Variants in ATP1A3 observed in about 807,000 individuals in gnomAD.
ATP1A3 encodes sodium/potassium-transporting ATPase subunit alpha-3.
ATP1A3 carries 12 observed loss-of-function variants against 108.8 expected under a neutral mutation model. The ratio of observed to expected loss-of-function variants is 0.11; its 90% CI spans 0.07 to 0.18. ATP1A3 has a LOEUF of 0.18. ATP1A3 is among the 10% of genes least tolerant of loss of function. The pLI is 1.00. For missense variants in ATP1A3, 498 were observed against 1,387.7 expected (o/e 0.36, Z 10.19); for synonymous variants, 539 against 564.5 (o/e 0.95, Z 0.64).
At position 41,988,225 on chromosome 19, in the gene ATP1A3, C is replaced by T; in HGVS notation, c.154-86G>A. The T allele has an allele frequency of 1.2e-6, 2 of 1,612,026 alleles. No individual in the cohort carries two copies. The highest frequency in any genetic ancestry group is 1.7e-6 in the Non-Finnish European group (2 of 1,178,198). ...ACCAGACCCCCAGAACTTAAGACAC[C>T]AGCCACAGCCCCTCCTCCCTCAGAC... On this transcript the variant is annotated intron_variant, in intron 3 of 22. Coordinates refer to ENST00000648268, the MANE Select transcript of ATP1A3 (RefSeq NM_152296.5). This position sits in a 1 kb window ranked among gnomAD's most constrained non-coding sequence, Gnocchi z 5.3.
chr19:41,991,654 G>A (rs1468524538), intron 1 of ATP1A3, among the ~76,000 whole-genome samples: 6 of 152,196 alleles, frequency 3.9e-5, no homozygotes, highest in Admixed American at 3.9e-4. Context: ...AACCTTAGTT[G>A]AAGGCTGGGA....
chr19:41,985,547 G>C lies in ATP1A3; in HGVS notation c.607-124C>G. ...TCACAGCTAGAAGCCTGGGTGCCCA[G>C]TGGGTGAGTGGTGTGTGGGAGGCCA... is the stretch of plus-strand genomic sequence containing the variant. On this transcript the variant is annotated intron_variant, in intron 6 of 22. Coordinates refer to ENST00000648268, the MANE Select transcript of ATP1A3 (RefSeq NM_152296.5). This position sits in a 1 kb window ranked among gnomAD's most constrained non-coding sequence, Gnocchi z 8.2. 1 of 1,009,904 alleles carries C rather than the reference G, an allele frequency of 9.9e-7. No individual in the cohort carries two copies. The highest frequency in any genetic ancestry group is 1.5e-6 in the Non-Finnish European group (1 of 651,498). The allele number at this position is 1,009,904 out of a possible 1,614,324, so 62.6% of individuals were successfully genotyped here. A position where few individuals can be genotyped will look rare whatever the true frequency, so the allele number is the denominator to read the frequency against.
Position 41,967,294 on chromosome 19 carries a change from C to A in ATP1A3, c.2968G>T (p.Val990Phe). 1 of 1,613,290 alleles carries A rather than the reference C, an allele frequency of 6.2e-7. No homozygotes were observed. The highest frequency in any genetic ancestry group is 1.1e-5 in the South Asian group (1 of 91,086). Residue 990 changes from valine to phenylalanine, a missense_variant, in exon 22 of 23, where the codon GTC (valine) becomes TTC (phenylalanine). Around this residue, in one of 9 missense-constraint regions of ATP1A3, gnomAD observed 29 missense variants for 41.0 expected, o/e 0.71. Coordinates refer to ENST00000648268, the MANE Select transcript of ATP1A3 (RefSeq NM_152296.5). This position sits in a 1 kb window ranked among gnomAD's most constrained non-coding sequence, Gnocchi z 4.2. ...ATGAGTTTGCGGATTTCGTCGTAGA[C>A]GAAGATGAGGAAACTGTAGGGGAAG... ...CAFPYSFLIF[V>F]YDEIRKLILR...
At chr19:41,976,355 G>A (rs900293212) in intron 15 of ATP1A3, 61 bp downstream of exon 15, 33 of 1,595,968 alleles carry the variant, frequency 2.1e-5, no homozygotes, top group African/African-American at 9.4e-5. Flanking sequence ...ACCAGGCCCC[G>A]GCCTCAGTGA....
Position 41,981,976 on chromosome 19 carries a change from C to T in ATP1A3, c.1124G>A (p.Arg375His), listed in dbSNP as rs200891944. Reference sequence around the variant, plus strand: ...AAACCACATGTGGGCGACTGTCATGCGGTTCTGAGTGAGGGTCCCTGTCTT... The same window carrying T: ...AAACCACATGTGGGCGACTGTCATGTGGTTCTGAGTGAGGGTCCCTGTCTT... The part of the protein sequence containing the change: ...SDKTGTLTQN[R>H]MTVAHMWFDN... The change falls in exon 9 of 23, where the codon CGC (arginine) becomes CAC (histidine). Residue 375 changes from arginine to histidine, a missense_variant. This residue lies in a region of ATP1A3 where 127 missense variants were observed against 464.0 expected (regional missense o/e 0.27). Transcript: ENST00000648268. This position sits in a 1 kb window ranked among gnomAD's most constrained non-coding sequence, Gnocchi z 5.0. 6.2e-7 allele frequency: 1 copy of T among 1,614,172 alleles called. No homozygotes were observed. The highest frequency in any genetic ancestry group is 8.5e-7 in the Non-Finnish European group (1 of 1,180,034).
intron 4 of ATP1A3, among the ~76,000 whole-genome samples, chr19:41,987,109 T>G (rs1294926036): frequency 1.3e-5 from 2 of 152,182 alleles, no homozygotes; most frequent in Non-Finnish European, 2.9e-5. Context: ...CGGCTGTCTG[T>G]CCATGTGTCT....
intron 1 of ATP1A3, chr19:41,992,965 C>A: frequency 5.3e-6 from 1 of 189,648 alleles, no homozygotes; most frequent in Non-Finnish European, 1.1e-5. Flanking sequence ...TCCCTTCTCT[C>A]CCCTAGTCCT....
At position 41,980,473 on chromosome 19, in the gene ATP1A3, G is replaced by A. The variant is rs1451676656; in HGVS notation, c.1437+1029C>T. 5.3e-5 allele frequency among the ~76,000 whole-genome samples: 8 copies of A among 152,086 alleles called. No individual in the cohort carries two copies. In the South Asian group the frequency reaches 6.2e-4, roughly 12 times the overall value. On this transcript the variant is annotated intron_variant, in intron 11 of 22. Coordinates refer to ENST00000648268, the MANE Select transcript of ATP1A3 (RefSeq NM_152296.5). ...TACTAAAAATACAAAAACTAGCTGG[G>A]TGTGGTGGTGCACGCCTCTAATTCC...
intron 19 of ATP1A3, among the ~76,000 whole-genome samples, 164 bp from the exon 20 acceptor site, chr19:41,969,079 CAG>C (rs2075074794): frequency 6.6e-6 from 1 of 152,090 alleles, no homozygotes; most frequent in Admixed American, 6.6e-5. Flanking sequence ...AGGGAGGAGT[CAG>C]GAGACGTACA....
At chr19:41,970,061 T>A in intron 18 of ATP1A3, 124 bp downstream of exon 18, 1 of 1,497,484 alleles carries the variant, frequency 6.7e-7, no homozygotes, top group African/African-American at 1.4e-5. Flanking sequence ...GATAGCTCAC[T>A]GGTTGGTCCT....
Position 41,971,585 on chromosome 19 carries a change from G to A in ATP1A3, c.2264-1043C>T, listed in dbSNP as rs143263352. 4.4e-3 allele frequency among the ~76,000 whole-genome samples: 674 copies of A among 152,222 alleles called. 3 individuals carry two copies. The highest frequency in any genetic ancestry group is 6.9e-3 in the Non-Finnish European group (468 of 68,018). ...TACACAGCAAGAAGGGGCGAGCTAC[G>A]GACACAACTCCACAGCTGGACCTTG... is the stretch of plus-strand genomic sequence containing the variant. On this transcript the variant is annotated intron_variant, in intron 16 of 22. Coordinates refer to ENST00000648268, the MANE Select transcript of ATP1A3 (RefSeq NM_152296.5).
Position 41,966,899 on chromosome 19 carries a change from G to A in ATP1A3, c.*38C>T, listed in dbSNP as rs1182090276. ...CTGACAGGGGCGGTCCTGGGCCTGG[G>A]GGACGGGGAAGAGATGGGCGATGTG... On this transcript the variant is annotated 3_prime_UTR_variant, in exon 23 of 23. Transcript: ENST00000648268. 4 of 1,551,178 alleles carry A rather than the reference G, an allele frequency of 2.6e-6. No homozygotes were observed. The highest frequency in any genetic ancestry group is 2.4e-5 in the South Asian group (2 of 84,058).
At position 41,967,204 on chromosome 19, in the gene ATP1A3, C is replaced by T; in HGVS notation, c.3013+45G>A. On this transcript the variant is annotated intron_variant, in intron 22 of 22. Transcript: ENST00000648268. The surrounding 1 kb of genome is among the most constrained non-coding windows in gnomAD (Gnocchi z 4.2). ...AGCCTGGGACCAGCTGCCTGAGACCCTGCTGCCCCCCGCCCCCCTCGGCTG... is the reference window on the plus strand; with the variant it reads ...AGCCTGGGACCAGCTGCCTGAGACCTTGCTGCCCCCCGCCCCCCTCGGCTG... 1 of 1,613,262 alleles carries T rather than the reference C, an allele frequency of 6.2e-7. No individual in the cohort carries two copies. Among genetic ancestry groups the T allele is most frequent in the South Asian group, 1.1e-5 (1 of 91,004 alleles).
At chr19:41,983,585 A>ATTATTATTATTATAATAATT (rs1568863656) in intron 8 of ATP1A3, among the ~76,000 whole-genome samples, 1 of 144,338 alleles carries the variant, frequency 6.9e-6, no homozygotes, top group Non-Finnish European at 1.5e-5. Context: ...TAATAATAAT[A>ATTATTATTATTATAATAATT]ATTATTATTA....
chr19:41,970,648 T>C, intron 16 of ATP1A3, 106 bp from the exon 17 acceptor site: 1 of 1,173,936 alleles, frequency 8.5e-7, no homozygotes, highest in Middle Eastern at 2.9e-4. Flanking sequence ...TTTTTTTTTT[T>C]TGAGACAGAG....
At chr19:41,971,194 TG>T in intron 16 of ATP1A3, among the ~76,000 whole-genome samples, 1 of 151,294 alleles carries the variant, frequency 6.6e-6, no homozygotes, top group East Asian at 2.0e-4. Flanking sequence ...ATTTCTGGGC[TG>T]TGATTCCATC....
intron 14 of ATP1A3, 69 bp from the exon 15 acceptor site, chr19:41,976,635 G>T: frequency 5.0e-6 from 8 of 1,603,732 alleles, no homozygotes; most frequent in Non-Finnish European, 6.8e-6. Flanking sequence ...ATCCCTGAAA[G>T]ACAGAGAAAC....
At position 41,994,110 on chromosome 19, in the gene ATP1A3, C is replaced by T; in HGVS notation, c.-34G>A. ...CTCCGCGGCGAGAGAGCCAGGCGGGCGGGGCGGGGACCTCGGGGCGGGCTC... is the reference window on the plus strand; with the variant it reads ...CTCCGCGGCGAGAGAGCCAGGCGGGTGGGGCGGGGACCTCGGGGCGGGCTC... On this transcript the variant is annotated 5_prime_UTR_variant, in exon 1 of 23. Coordinates refer to ENST00000648268, the MANE Select transcript of ATP1A3 (RefSeq NM_152296.5). The T allele has an allele frequency of 6.4e-7, 1 of 1,569,546 alleles. No individual in the cohort carries two copies. Among genetic ancestry groups the T allele is most frequent in the Non-Finnish European group, 8.6e-7 (1 of 1,162,590 alleles).
chr19:41,988,363 C>T lies in ATP1A3; in HGVS notation c.108G>A (p.Met36Ile), dbSNP rs1599725994. Residue 36 changes from methionine (M) to isoleucine (I), a missense_variant, in exon 3 of 23, where the codon ATG (methionine) becomes ATA (isoleucine). By Grantham distance (10) the Met-to-Ile change is conservative. Coordinates refer to ENST00000648268, the MANE Select transcript of ATP1A3 (RefSeq NM_152296.5). The surrounding 1 kb of genome is among the most constrained non-coding windows in gnomAD (Gnocchi z 5.3). ...ATTTCCGGCAGACCTCTTCCACTGA[C>T]ATCTTGTGCTCTGTCTGAGGAACAG... The part of the protein sequence containing the change: ...KKEVAMTEHK[M>I]SVEEVCRKYN... The T allele has an allele frequency of 2.5e-6, 4 of 1,614,188 alleles. No individual in the cohort carries two copies. The highest frequency in any genetic ancestry group is 3.4e-6 in the Non-Finnish European group (4 of 1,180,016).
Sources: gnomAD v4.1 joint callset for allele counts (sites outside exome capture counted in the v4.1 genomes callset) on GRCh38, gnomAD v4.1.1 for gene constraint, gnomAD v4.1.1 regional missense constraint, Gnocchi (gnomAD v3.1) non-coding constraint, MANE v1.5 for transcripts, NCBI Gene and HGNC (gene_info 2026-07-23, HGNC 2026-07-21) for gene names.